CAST: variants seen among roughly 807,000 people sequenced by gnomAD.
The protein encoded by CAST is calpastatin, also known as MIR583 host.
A neutral mutation model predicts 119.6 loss-of-function variants in CAST; 76 were observed. The observed-to-expected ratio is 0.64, with a 90% CI of 0.53 to 0.77. CAST has a LOEUF of 0.77. CAST is among the 30% of genes least tolerant of loss of function. CAST has a pLI of 0.00. For synonymous variants in CAST, 319 were observed against 331.6 expected (o/e 0.96, Z 0.41); for missense variants, 953 against 946.5 (o/e 1.01, Z -0.09).
At chr5:96,228,947 C>T in the CAST span, among the ~76,000 whole-genome samples, 1 of 152,028 alleles carries the variant, frequency 6.6e-6, no homozygotes, top group Non-Finnish European at 1.5e-5. Context: ...TGTGCTCTTC[C>T]TGGATTTACC....
the CAST span, among the ~76,000 whole-genome samples, chr5:96,441,140 A>G: frequency 6.6e-6 from 1 of 152,342 alleles, no homozygotes; most frequent in East Asian, 1.9e-4. Flanking sequence ...AATGATAGTT[A>G]TTTTTATTGA....
chr5:96,692,924 T>C (rs1752893902), intron 2 of CAST, among the ~76,000 whole-genome samples: 1 of 152,168 alleles, frequency 6.6e-6, no homozygotes. Context: ...TCCCAATGAA[T>C]GAATGAACAA....
the CAST span, among the ~76,000 whole-genome samples, chr5:96,485,496 C>T: frequency 2.0e-5 from 3 of 151,926 alleles, no homozygotes; most frequent in South Asian, 2.1e-4. Flanking sequence ...ATCATAGAGC[C>T]GATTTGGTGG....
chr5:96,080,581 G>A, the CAST span, among the ~76,000 whole-genome samples: 509 of 152,272 alleles, frequency 3.3e-3, 13 homozygotes, highest in Admixed American at 0.026. Flanking sequence ...TACATGCAGG[G>A]ATTAGATTAG....
chr5:96,683,751 A>C (rs2150271955), intron 2 of CAST, among the ~76,000 whole-genome samples: 1 of 152,306 alleles, frequency 6.6e-6, no homozygotes, highest in East Asian at 1.9e-4. Flanking sequence ...TCCTATGTGG[A>C]ATGTGTCAGA....
At chr5:96,011,076 A>G in the CAST span, among the ~76,000 whole-genome samples, 2 of 152,204 alleles carry the variant, frequency 1.3e-5, no homozygotes, top group East Asian at 1.9e-4. Context: ...TTCTTTGCCT[A>G]TTTGGATGCC....
chr5:96,507,911 T>C, the CAST span, among the ~76,000 whole-genome samples: 2 of 152,032 alleles, frequency 1.3e-5, no homozygotes, highest in African/African-American at 4.8e-5. Flanking sequence ...CTAACACACA[T>C]CTAAATTCTC....
At chr5:96,455,580 T>C in the CAST span, among the ~76,000 whole-genome samples, 3 of 152,318 alleles carry the variant, frequency 2.0e-5, no homozygotes, top group Middle Eastern at 6.8e-3. Context: ...GTTTAACCTT[T>C]CTCCTTTGGT....
chr5:96,052,493 G>T, the CAST span, among the ~76,000 whole-genome samples: 1 of 152,342 alleles, frequency 6.6e-6, no homozygotes, highest in Non-Finnish European at 1.5e-5. Context: ...TGTACATTTA[G>T]ATTTTTTTAT....
chr5:96,340,022 T>C, the CAST span, among the ~76,000 whole-genome samples: 10 of 152,120 alleles, frequency 6.6e-5, no homozygotes, highest in Non-Finnish European at 1.5e-4. Context: ...GGCCTTTCAA[T>C]GAGGAAAGCA....
the CAST span, among the ~76,000 whole-genome samples, chr5:96,271,892 C>T: frequency 6.6e-6 from 1 of 152,070 alleles, no homozygotes; most frequent in South Asian, 2.1e-4. Context: ...AATATATAAG[C>T]AGCATAAACA....
At chr5:96,455,628 C>T in the CAST span, among the ~76,000 whole-genome samples, 1 of 152,186 alleles carries the variant, frequency 6.6e-6, no homozygotes, top group South Asian at 2.1e-4. Flanking sequence ...ATGAGCATGT[C>T]AACAATCCCG....
At chr5:96,433,268 G>A in the CAST span, 1 of 580,574 alleles carries the variant, frequency 1.7e-6, no homozygotes, top group East Asian at 2.9e-5. Context: ...GCCCTTCCCA[G>A]CCAGAATGGA....
chr5:96,737,900 G>A lies in CAST; in HGVS notation c.751G>A (p.Glu251Lys). 1.2e-6 allele frequency: 2 copies of A among 1,608,372 alleles called. No homozygotes were observed. Among genetic ancestry groups the A allele is most frequent in the Non-Finnish European group, 1.7e-6 (2 of 1,174,932 alleles). The part of the protein sequence containing the change: ...DDLIDTLGGP[E>K]ETEEENTTYT... ...CTTAATAGATACTTTAGGAGGACCT[G>A]AAGAAACTGAAGAAGAAAATACAAC... Residue 251 changes from glutamate (E) to lysine (K), a missense_variant, in exon 11 of 32, where the codon GAA (glutamate) becomes AAA (lysine). Physicochemically the swap from Glu to Lys is moderately conservative, Grantham distance 56. Coordinates refer to ENST00000675179, the MANE Select transcript of CAST (RefSeq NM_001750.7).
At chr5:96,617,836 T>A (rs1450381780) in intron 1 of CAST, among the ~76,000 whole-genome samples, 3 of 122,420 alleles carry the variant, frequency 2.5e-5, no homozygotes, top group South Asian at 2.9e-4. Context: ...AAAACACTCT[T>A]AGGAGAAAGG....
the CAST span, among the ~76,000 whole-genome samples, chr5:96,485,495 C>G: frequency 6.6e-6 from 1 of 151,944 alleles, no homozygotes; most frequent in Non-Finnish European, 1.5e-5. Context: ...AATCATAGAG[C>G]CGATTTGGTG....
At chr5:96,706,955 C>T (rs1207561689) in intron 3 of CAST, among the ~76,000 whole-genome samples, 1 of 152,132 alleles carries the variant, frequency 6.6e-6, no homozygotes, top group East Asian at 1.9e-4. Flanking sequence ...TGTTGTCAGT[C>T]CCCCAGGCAA....
chr5:96,531,806 G>T (rs1048855351), intron 1 of CAST, among the ~76,000 whole-genome samples: 2 of 152,090 alleles, frequency 1.3e-5, no homozygotes, highest in African/African-American at 2.4e-5. Context: ...CACAAGAAAA[G>T]TTTGCTCTGA....
chr5:96,581,460 A>T (rs1417570843), intron 1 of CAST, among the ~76,000 whole-genome samples: 1 of 152,236 alleles, frequency 6.6e-6, no homozygotes, highest in Non-Finnish European at 1.5e-5. Flanking sequence ...AAAGTCATAT[A>T]GCATTATCTA....
Sources: allele counts gnomAD v4.1 joint callset (sites outside exome capture counted in the v4.1 genomes callset), GRCh38; gene constraint gnomAD v4.1.1; transcripts MANE v1.5; gene names NCBI Gene and HGNC (gene_info 2026-07-23, HGNC 2026-07-21).